Variants in SDHC observed in about 807,000 individuals in gnomAD.
SDHC encodes succinate dehydrogenase complex subunit C, also known as succinate dehydrogenase cytochrome b560 subunit, mitochondrial.
SDHC carries 11 observed loss-of-function variants against 22.6 expected under a neutral mutation model. The observed-to-expected ratio is 0.49, with a 90% CI of 0.31 to 0.81. The LOEUF (loss-of-function observed/expected upper bound fraction) is 0.81. SDHC is among the 30% of genes least tolerant of loss of function. SDHC has a pLI of 0.05. For missense variants in SDHC, 160 were observed against 212.0 expected (o/e 0.75, Z 1.52); for synonymous variants, 80 against 77.8 (o/e 1.03, Z -0.15).
intron 3 of SDHC, among the ~76,000 whole-genome samples, chr1:161,334,340 T>G (rs1263318241): frequency 6.6e-6 from 1 of 152,164 alleles, no homozygotes; most frequent in Non-Finnish European, 1.5e-5. Flanking sequence ...TTTTTTCTCA[T>G]TTCTCTCTTC....
chr1:161,330,197 C>T (rs919757329), intron 3 of SDHC, among the ~76,000 whole-genome samples: 1 of 152,204 alleles, frequency 6.6e-6, no homozygotes, highest in Admixed American at 6.5e-5. Flanking sequence ...CCAAAAGTTT[C>T]AACCTACTGT....
chr1:161,329,153 G>T (rs964484257), intron 3 of SDHC, among the ~76,000 whole-genome samples: 1 of 151,902 alleles, frequency 6.6e-6, no homozygotes, highest in African/African-American at 2.4e-5. Flanking sequence ...TGATCCGCCC[G>T]CCTCGGCCTC....
At chr1:161,341,841 C>A (rs1419451968) in intron 4 of SDHC, among the ~76,000 whole-genome samples, 1 of 151,822 alleles carries the variant, frequency 6.6e-6, no homozygotes, top group Non-Finnish European at 1.5e-5. Flanking sequence ...TTCTTCCTTA[C>A]TGGATTGTCT....
At chr1:161,338,151 T>C (rs1210661101) in intron 3 of SDHC, among the ~76,000 whole-genome samples, 1 of 152,246 alleles carries the variant, frequency 6.6e-6, no homozygotes, top group Non-Finnish European at 1.5e-5. Context: ...TGTCTGTTCT[T>C]CCACCTTTTA....
intron 2 of SDHC, among the ~76,000 whole-genome samples, chr1:161,324,921 C>T (rs1670993845): frequency 1.3e-5 from 2 of 152,184 alleles, no homozygotes; most frequent in Admixed American, 1.3e-4. Flanking sequence ...ATATAATCAG[C>T]TAGGCATGGT....
At chr1:161,323,290 G>T (rs922978782) in intron 1 of SDHC, among the ~76,000 whole-genome samples, 22 of 151,940 alleles carry the variant, frequency 1.4e-4, no homozygotes, top group African/African-American at 4.8e-4. Context: ...GAGCCAGCGC[G>T]CCTGGCCCAA....
chr1:161,334,268 C>A (rs1286312296), intron 3 of SDHC, among the ~76,000 whole-genome samples: 1 of 152,104 alleles, frequency 6.6e-6, no homozygotes, highest in Non-Finnish European at 1.5e-5. Context: ...TCATGCTGAC[C>A]CTGCTTCCGT....
chr1:161,335,312 A>C (rs114740698), intron 3 of SDHC, among the ~76,000 whole-genome samples: 1,920 of 152,228 alleles, frequency 0.013, 41 homozygotes, highest in African/African-American at 0.041. Flanking sequence ...AAAGTTACTG[A>C]ATAAGGATGT....
In SDHC at chr1:161,334,442, G is replaced by A. The variant is rs1162977349; in HGVS notation, c.179+5945G>A. On this transcript the variant is annotated intron_variant, in intron 3 of 5. Transcript: ENST00000367975. ...TGTTTTTGAGACAGGGTCTCGCTGT[G>A]TTGCCCAGGCTGAAATGGCACAAGT... is the stretch of plus-strand genomic sequence containing the variant. 2.0e-5 allele frequency among the ~76,000 whole-genome samples: 3 copies of A among 151,998 alleles called. No individual in the cohort carries two copies. The East Asian group carries it at 5.8e-4, about 29-fold the overall frequency.
intron 1 of SDHC, among the ~76,000 whole-genome samples, chr1:161,323,390 T>C (rs1196234253): frequency 6.6e-6 from 1 of 152,230 alleles, no homozygotes; most frequent in Non-Finnish European, 1.5e-5. Flanking sequence ...GCATTATTTG[T>C]GTTTGATTAA....
At position 161,352,963 on chromosome 1, in the gene SDHC, C is replaced by T. The variant is rs1363373269; in HGVS notation, c.242-3714C>T. Among the ~76,000 whole-genome samples, 8 of 151,516 alleles carry T rather than the reference C, an allele frequency of 5.3e-5. No homozygotes were observed. The East Asian group carries it at 5.8e-4, about 11-fold the overall frequency. On this transcript the variant is annotated intron_variant, in intron 4 of 5. Coordinates refer to ENST00000367975, the MANE Select transcript of SDHC (RefSeq NM_003001.5). ...CCGCACTCCAGTCTGGGCGACAGAG[C>T]GAGACTCCGTCTCAAAGAAAAAAAA...
chr1:161,355,222 A>G (rs568737347), intron 4 of SDHC, among the ~76,000 whole-genome samples: 1 of 152,314 alleles, frequency 6.6e-6, no homozygotes, highest in East Asian at 1.9e-4. Context: ...GCATTTGTCT[A>G]ATGGCTAATG....
chr1:161,356,555 A>C, intron 4 of SDHC, 122 bp from the exon 5 acceptor site: 1 of 1,083,920 alleles, frequency 9.2e-7, no homozygotes, highest in South Asian at 1.3e-5. Flanking sequence ...AAAAGAAAAC[A>C]AAAATCTTCT....
chr1:161,320,699 G>T (rs748479299), intron 1 of SDHC, among the ~76,000 whole-genome samples: 1 of 152,016 alleles, frequency 6.6e-6, no homozygotes, highest in Admixed American at 6.6e-5. Flanking sequence ...ATGCTTTCCT[G>T]TATGTTTTCT....
At chr1:161,346,085 G>A (rs1671886915) in intron 4 of SDHC, among the ~76,000 whole-genome samples, 1 of 152,036 alleles carries the variant, frequency 6.6e-6, no homozygotes, top group Non-Finnish European at 1.5e-5. Flanking sequence ...GATTACAGGC[G>A]TGAGCCACCA....
intron 3 of SDHC, among the ~76,000 whole-genome samples, chr1:161,338,959 C>T (rs59747425): frequency 0.12 from 17,786 of 152,148 alleles, 1,407 homozygotes; most frequent in African/African-American, 0.22. Context: ...AGTCATTCTC[C>T]TGCCTCAGCC....
intron 4 of SDHC, among the ~76,000 whole-genome samples, chr1:161,356,384 CA>C (rs538944548): frequency 1.8e-4 from 27 of 152,124 alleles, no homozygotes; most frequent in African/African-American, 6.0e-4. Context: ...ACTAAAAATA[CA>C]AAAATTAGCT....
At chr1:161,339,121 TA>T (rs1671606899) in intron 3 of SDHC, among the ~76,000 whole-genome samples, 1 of 152,168 alleles carries the variant, frequency 6.6e-6, no homozygotes, top group East Asian at 1.9e-4. Flanking sequence ...GTGCTGGGAT[TA>T]CAGGCGTGAG....
chr1:161,348,462 A>G (rs762463184), intron 4 of SDHC, among the ~76,000 whole-genome samples: 2 of 151,410 alleles, frequency 1.3e-5, no homozygotes, highest in Non-Finnish European at 2.9e-5. Context: ...CCTGGCCTGC[A>G]ATGTTTTGAA....
Sources: gnomAD v4.1 joint callset for allele counts (sites outside exome capture counted in the v4.1 genomes callset) on GRCh38, gnomAD v4.1.1 for gene constraint, MANE v1.5 for transcripts, NCBI Gene and HGNC (gene_info 2026-07-23, HGNC 2026-07-21) for gene names.